ZNF398: variants seen among roughly 807,000 people sequenced by gnomAD.
ZNF398 encodes zinc finger protein 398.
A neutral mutation model predicts 41.9 loss-of-function variants in ZNF398; 18 were observed. The observed-to-expected ratio is 0.43, with a 90% confidence interval of 0.30 to 0.64. The LOEUF (loss-of-function observed/expected upper bound fraction) is 0.64, where lower values mean the gene tolerates loss of function less well. Ranked by LOEUF, ZNF398 falls within the 30% of genes least tolerant of loss-of-function variation. ZNF398 has a pLI of 0.14. For synonymous variants in ZNF398, 260 were observed against 308.8 expected (o/e 0.84, Z 1.66); for missense variants, 669 against 822.8 (o/e 0.81, Z 2.29).
chr7:149,160,628 G>A (rs1795088898), intron 2 of ZNF398, among the ~76,000 whole-genome samples: 1 of 152,172 alleles, frequency 6.6e-6, no homozygotes, highest in South Asian at 2.1e-4. Flanking sequence ...CCCCTTTGGG[G>A]CAGAAACCAT....
rs1795226610 is a variant in ZNF398 at position 149,166,378 on chromosome 7, T to C, written c.547+94T>C. 2.0e-6 allele frequency: 3 copies of C among 1,476,030 alleles called. No individual in the cohort carries two copies. In the South Asian group the frequency reaches 3.7e-5, roughly 18 times the overall value. 91.4% of individuals were successfully genotyped at this position (1,476,030 alleles called of 1,614,324 possible). ...TCCTCCAGTGACCTCATTCTCACTC[T>C]GTCTTCACACACTTCAAATTCTGGT... On this transcript the variant is annotated intron_variant, in intron 3 of 5. Transcript: ENST00000475153.
chr7:149,142,193 T>C (rs982772453), intron 2 of ZNF398, among the ~76,000 whole-genome samples: 4 of 152,212 alleles, frequency 2.6e-5, no homozygotes, highest in Non-Finnish European at 4.4e-5. Flanking sequence ...GATCTTATTC[T>C]AAATATTGAT....
At chr7:149,177,967 CA>C in intron 5 of ZNF398, among the ~76,000 whole-genome samples, 1 of 150,940 alleles carries the variant, frequency 6.6e-6, no homozygotes, top group Non-Finnish European at 1.5e-5. Context: ...GTCAATATGG[CA>C]AAACCCCATC....
At chr7:149,158,079 C>G (rs1284115176) in intron 2 of ZNF398, among the ~76,000 whole-genome samples, 5 of 151,902 alleles carry the variant, frequency 3.3e-5, no homozygotes, top group Admixed American at 6.6e-5. Flanking sequence ...AAGACTCCGT[C>G]TCCAAAAAAC....
chr7:149,154,240 G>C lies in ZNF398; in HGVS notation c.320G>C (p.Gly107Ala). ...CTGGGAACCCTGCTGCAGGAGTACG[G>C]GCTGCTGCAGAGGCGGCTGGAGAAC... is the stretch of plus-strand genomic sequence containing the variant. ...AVLGTLLQEY[G>A]LLQRRLENLE... Residue 107 changes from glycine to alanine, a missense_variant, in exon 2 of 6, where the codon GGG (glycine) becomes GCG (alanine). Gly to Ala is a moderately conservative substitution (Grantham distance 60). This residue lies in a region of ZNF398 where 169 missense variants were observed against 239.5 expected (regional missense o/e 0.71). Coordinates refer to ENST00000475153, the MANE Select transcript of ZNF398 (RefSeq NM_170686.3). The C allele has an allele frequency of 6.2e-7, 1 of 1,614,156 alleles. No individual in the cohort carries two copies. The highest frequency in any genetic ancestry group is 8.5e-7 in the Non-Finnish European group (1 of 1,180,030).
In ZNF398 at chr7:149,126,417, C is replaced by A. The variant is rs995483241; in HGVS notation, c.-850C>A. 3 of 1,033,394 alleles carry A rather than the reference C, an allele frequency of 2.9e-6. No homozygotes were observed. In the African/African-American group the frequency reaches 5.2e-5, roughly 18 times the overall value. 64.0% of individuals were successfully genotyped at this position (1,033,394 alleles called of 1,614,324 possible). On this transcript the variant is annotated 5_prime_UTR_variant, in exon 1 of 7. Coordinates refer to the ZNF398 transcript ENST00000426851. The stretch of plus-strand genomic sequence containing the variant: ...GAGGAGCGGCGCCGCCAGAGGGAGT[C>A]GGTCCTCAGAGGAGGGGCCCGGGCA...
chr7:149,168,349 A>G (rs1318820335), intron 4 of ZNF398, among the ~76,000 whole-genome samples: 1 of 152,112 alleles, frequency 6.6e-6, no homozygotes, highest in Non-Finnish European at 1.5e-5. Flanking sequence ...AAGTGCTGGG[A>G]TTACAGGCAT....
chr7:149,146,181 T>G (rs1826933526), upstream of ZNF398, among the ~76,000 whole-genome samples: 1 of 151,074 alleles, frequency 6.6e-6, no homozygotes, highest in African/African-American at 2.4e-5. Context: ...TCAGGTGATC[T>G]GCCCGCCTCG....
At chr7:149,133,689 G>GTATATATA (rs1236595957) in intron 2 of ZNF398, among the ~76,000 whole-genome samples, 2 of 36,666 alleles carry the variant, frequency 5.5e-5, no homozygotes, top group South Asian at 1.4e-3. Flanking sequence ...ACATATATAT[G>GTATATATA]TGTGTATATA....
Position 149,156,226 on chromosome 7 carries a change from G to C in ZNF398, c.420+1886G>C, listed in dbSNP as rs1318464095. Among the ~76,000 whole-genome samples, 6 of 151,966 alleles carry C rather than the reference G, an allele frequency of 3.9e-5. 1 individual carries two copies. In the East Asian group the frequency reaches 1.2e-3, roughly 30 times the overall value. On this transcript the variant is annotated intron_variant, in intron 2 of 5. Coordinates refer to ENST00000475153, the MANE Select transcript of ZNF398 (RefSeq NM_170686.3). ...GACAATAAGAGTTACTGATGGGAAG[G>C]CAGGGTGCATTGGCTCACGCCTGTA...
chr7:149,151,674 T>TAAAAATAA (rs1394103801), intron 1 of ZNF398, among the ~76,000 whole-genome samples: 3 of 151,358 alleles, frequency 2.0e-5, no homozygotes, highest in Non-Finnish European at 4.4e-5. Flanking sequence ...ACCCTGTCTC[T>TAAAAATAA]AAAAATAAAA....
At position 149,182,054 on chromosome 7, in the gene ZNF398, G is replaced by T. The variant is rs899782095; in HGVS notation, c.*2253G>T. The T allele has an allele frequency of 1.3e-5, 2 of 152,172 alleles. No homozygotes were observed. Among genetic ancestry groups the T allele is most frequent in the Non-Finnish European group, 2.9e-5 (2 of 68,030 alleles). The allele number at this position is 152,172 out of a possible 1,614,324, so 9.4% of individuals were successfully genotyped here. Reference sequence around the variant, plus strand: ...TAAAGTAGGTGAGATGTGGGACTAGGTAACACTTTAAATACTTTTTTACTC... The same window carrying T: ...TAAAGTAGGTGAGATGTGGGACTAGTTAACACTTTAAATACTTTTTTACTC... On this transcript the variant is annotated 3_prime_UTR_variant, in exon 6 of 6. Transcript: ENST00000475153.
upstream of ZNF398, among the ~76,000 whole-genome samples, chr7:149,143,233 T>G (rs1826864510): frequency 6.6e-6 from 1 of 152,224 alleles, no homozygotes; most frequent in Admixed American, 6.5e-5. Context: ...AGCAAGGTGG[T>G]GCAATTATTA....
chr7:149,140,145 T>C lies in ZNF398; in HGVS notation c.-490+11201T>C, dbSNP rs558823718. 2.6e-5 allele frequency among the ~76,000 whole-genome samples: 4 copies of C among 152,302 alleles called. 1 individual carries two copies. Among genetic ancestry groups the C allele is most frequent in the South Asian group, 4.1e-4 (2 of 4,828 alleles). ...CAAAAGTAAAATGCTATAATAATTA[T>C]TGAGGATTACGAAAGATGTTATTTT... On this transcript the variant is annotated intron_variant, in intron 2 of 6. Coordinates refer to the ZNF398 transcript ENST00000426851.
chr7:149,163,834 T>C (rs1795166072), intron 2 of ZNF398, among the ~76,000 whole-genome samples: 1 of 151,852 alleles, frequency 6.6e-6, no homozygotes, highest in Non-Finnish European at 1.5e-5. Flanking sequence ...AGGCTGGGAG[T>C]GGTGGCGGTG....
chr7:149,131,951 C>A (rs1826603679), intron 2 of ZNF398, among the ~76,000 whole-genome samples: 1 of 152,102 alleles, frequency 6.6e-6, no homozygotes, highest in African/African-American at 2.4e-5. Context: ...CAATTTACCA[C>A]AATTTATTCA....
chr7:149,127,950 A>C (rs1223548036), intron 1 of ZNF398, among the ~76,000 whole-genome samples: 1 of 152,102 alleles, frequency 6.6e-6, no homozygotes. Flanking sequence ...CTTGAAACCT[A>C]GTTTTCTCTT....
intron 1 of ZNF398, chr7:149,148,076 C>T (rs1585512424): frequency 3.1e-6 from 1 of 326,664 alleles, no homozygotes; most frequent in East Asian, 4.6e-5. Flanking sequence ...CCCACGCCTG[C>T]CCGCCAGACG....
Position 149,154,115 on chromosome 7 carries a change from A to G in ZNF398, c.195A>G (p.Leu65=), listed in dbSNP as rs1396849846. The G allele has an allele frequency of 2.5e-6, 4 of 1,614,054 alleles. No homozygotes were observed. Among genetic ancestry groups the G allele is most frequent in the African/African-American group, 1.3e-5 (1 of 75,042 alleles). The part of the protein sequence containing the change: ...RKVEIHSRRL[L]HLEGRTGTAE... ...TGGAGATCCACAGCCGGCGACTCCT[A>G]CACCTGGAAGGTCGGACAGGGACAG... Residue 65 remains leucine (L), a synonymous_variant, in exon 2 of 6, where the codon CTA becomes CTG. Coordinates refer to ENST00000475153, the MANE Select transcript of ZNF398 (RefSeq NM_170686.3).
Sources: gnomAD v4.1 joint callset for allele counts (sites outside exome capture counted in the v4.1 genomes callset) on GRCh38, gnomAD v4.1.1 for gene constraint, gnomAD v4.1.1 regional missense constraint, MANE v1.5 for transcripts, NCBI Gene and HGNC (gene_info 2026-07-23, HGNC 2026-07-21) for gene names.